The following MCPH1 variants were observed in gnomAD, a reference collection of about 807,000 sequenced individuals.
MCPH1 encodes microcephalin.
MCPH1 carries 104 observed loss-of-function variants against 84.5 expected under a neutral mutation model. The ratio of observed to expected loss-of-function variants is 1.23; its 90% confidence interval spans 1.05 to 1.45. The LOEUF (loss-of-function observed/expected upper bound fraction) is 1.45, where lower values mean the gene tolerates loss of function less well. Ranked by LOEUF, MCPH1 falls within the 40% of genes most tolerant of loss-of-function variation. The pLI is 0.00. For synonymous variants in MCPH1, 514 were observed against 366.8 expected, an observed-to-expected ratio of 1.40 and a Z score of -4.58; for missense variants, 1,498 against 1,005.7, an observed-to-expected ratio of 1.49 and a Z score of -6.62.
chr8:6,566,627 C>T (rs189451127), intron 12 of MCPH1, among the ~76,000 whole-genome samples: 6 of 152,008 alleles, frequency 3.9e-5, no homozygotes, highest in Admixed American at 1.3e-4. Context: ...CATGTGTGAT[C>T]GGCAAGGCCA....
At chr8:6,436,694 G>A (rs1802686981) in intron 5 of MCPH1, among the ~76,000 whole-genome samples, 1 of 151,484 alleles carries the variant, frequency 6.6e-6, no homozygotes, top group Admixed American at 6.6e-5. Flanking sequence ...TATGGGCTGG[G>A]CACAGTGGCT....
Position 6,414,860 on chromosome 8 carries a change from C to G in MCPH1, c.210C>G (p.Leu70=), listed in dbSNP as rs746675717. 6.2e-7 allele frequency: 1 copy of G among 1,613,382 alleles called. No individual in the cohort carries two copies. Among genetic ancestry groups the G allele is most frequent in the East Asian group, 2.2e-5 (1 of 44,882 alleles). The change falls in exon 3 of 14, where the codon CTC becomes CTG. Residue 70 remains leucine, a synonymous_variant. Coordinates refer to ENST00000344683, the MANE Select transcript of MCPH1 (RefSeq NM_024596.5). ...WDKAQKRGVK[L]VSVLWVEKCR... ...AAGCTCAGAAGAGAGGCGTAAAGCTCGTTTCGGTGCTCTGGGTGGAAAAGT... is the reference window on the plus strand; with the variant it reads ...AAGCTCAGAAGAGAGGCGTAAAGCTGGTTTCGGTGCTCTGGGTGGAAAAGT...
At chr8:6,589,761 A>C (rs1828292400) in intron 12 of MCPH1, among the ~76,000 whole-genome samples, 1 of 152,246 alleles carries the variant, frequency 6.6e-6, no homozygotes, top group African/African-American at 2.4e-5. Flanking sequence ...CATTATGTGT[A>C]AATTGCCAAA....
intron 12 of MCPH1, among the ~76,000 whole-genome samples, chr8:6,598,595 A>T (rs548776304): frequency 6.6e-6 from 1 of 152,346 alleles, no homozygotes; most frequent in African/African-American, 2.4e-5. Flanking sequence ...CGAACACCCA[A>T]GGCTTTCCAA....
intron 12 of MCPH1, among the ~76,000 whole-genome samples, chr8:6,511,068 C>T (rs1384264138): frequency 6.6e-6 from 1 of 152,202 alleles, no homozygotes; most frequent in South Asian, 2.1e-4. Flanking sequence ...TTTTAACTCT[C>T]TCTTGTCTCC....
chr8:6,507,690 C>G (rs959137546), intron 12 of MCPH1: 2 of 150,962 alleles, frequency 1.3e-5, no homozygotes, highest in African/African-American at 4.9e-5. Flanking sequence ...CATTCTCCTG[C>G]CTGAGCCTCC....
chr8:6,566,422 A>G (rs1299072088), intron 12 of MCPH1, among the ~76,000 whole-genome samples: 1 of 151,990 alleles, frequency 6.6e-6, no homozygotes, highest in Non-Finnish European at 1.5e-5. Flanking sequence ...CAGTCCACAC[A>G]GTGCAATAAC....
intron 13 of MCPH1, among the ~76,000 whole-genome samples, chr8:6,630,805 AAC>A (rs1797105760): frequency 2.0e-5 from 3 of 147,360 alleles, no homozygotes; most frequent in East Asian, 3.9e-4. Context: ...AAAAAAAAAA[AAC>A]AATTATATAT....
intron 10 of MCPH1, among the ~76,000 whole-genome samples, chr8:6,478,443 A>T (rs1808758997): frequency 6.6e-6 from 1 of 152,214 alleles, no homozygotes; most frequent in African/African-American, 2.4e-5. Flanking sequence ...ATATTTTTTA[A>T]AGTCTTTGTA....
intron 13 of MCPH1, among the ~76,000 whole-genome samples, chr8:6,628,901 G>A (rs1285876609): frequency 6.6e-6 from 1 of 152,194 alleles, no homozygotes; most frequent in Non-Finnish European, 1.5e-5. Flanking sequence ...ATGACTGTAG[G>A]AGAGATTTTC....
rs1442963929 is a variant in MCPH1, at chr8:6,588,269, G to T, written c.2215-33185G>T. Among the ~76,000 whole-genome samples, 6 of 152,230 alleles carry T rather than the reference G, an allele frequency of 3.9e-5. No homozygotes were observed. The South Asian group carries it at 6.2e-4, about 16-fold the overall frequency. On this transcript the variant is annotated intron_variant, in intron 12 of 13. Transcript: ENST00000344683. ...TGGGGCATTCTTTTTCCAGAGCCAG[G>T]CCAGCCCAGCAGTGATCCCTTGATA...
intron 9 of MCPH1, among the ~76,000 whole-genome samples, chr8:6,463,756 G>A (rs567369893): frequency 1.3e-4 from 20 of 152,310 alleles, no homozygotes; most frequent in African/African-American, 3.8e-4. Flanking sequence ...TTTTCCTGGC[G>A]TTTCCTGTCC....
chr8:6,500,059 C>G, intron 12 of MCPH1, 130 bp downstream of exon 12: 2 of 755,650 alleles, frequency 2.6e-6, no homozygotes, highest in East Asian at 2.6e-5. Context: ...AAGACATTCA[C>G]AGAACTTAAC....
intron 2 of MCPH1, among the ~76,000 whole-genome samples, chr8:6,410,671 G>C (rs1033343389): frequency 1.4e-4 from 21 of 152,096 alleles, no homozygotes; most frequent in Non-Finnish European, 2.9e-5. Context: ...TCATTCACGG[G>C]GAAGCCCAGC....
At chr8:6,511,728 G>A (rs1450002307) in intron 12 of MCPH1, among the ~76,000 whole-genome samples, 2 of 152,124 alleles carry the variant, frequency 1.3e-5, no homozygotes, top group African/African-American at 4.8e-5. Context: ...TTAAACCAAT[G>A]TGTGTGTTTT....
chr8:6,627,165 A>G lies in MCPH1; in HGVS notation c.2452+5474A>G, dbSNP rs569145782. ...GACTGACTGACCAGAAAAATGCACG[A>G]CGCTCCCATGGGGCCACTCGGGAGG... On this transcript the variant is annotated intron_variant, in intron 13 of 13. Coordinates refer to ENST00000344683, the MANE Select transcript of MCPH1 (RefSeq NM_024596.5). 16 of 985,358 alleles carry G rather than the reference A, an allele frequency of 1.6e-5. No individual in the cohort carries two copies. In the Admixed American group the frequency reaches 3.1e-4, roughly 19 times the overall value. 61.0% of individuals were successfully genotyped at this position (985,358 alleles called of 1,614,324 possible). A position where few individuals can be genotyped will look rare whatever the true frequency, so the allele number is the denominator to read the frequency against.
At chr8:6,559,715 A>G (rs1258813492) in intron 12 of MCPH1, among the ~76,000 whole-genome samples, 1 of 152,164 alleles carries the variant, frequency 6.6e-6, no homozygotes, top group Non-Finnish European at 1.5e-5. Context: ...AATACAATCC[A>G]TTTTGCTAAA....
chr8:6,628,598 A>G (rs1796937030), intron 13 of MCPH1, among the ~76,000 whole-genome samples: 1 of 152,148 alleles, frequency 6.6e-6, no homozygotes, highest in Non-Finnish European at 1.5e-5. Context: ...GTGTATTAGA[A>G]ATGTGGTGGT....
chr8:6,454,957 C>T (rs1805515820), intron 8 of MCPH1, among the ~76,000 whole-genome samples, 186 bp from the exon 9 acceptor site: 1 of 152,104 alleles, frequency 6.6e-6, no homozygotes, highest in African/African-American at 2.4e-5. Context: ...AAGTGAATTG[C>T]TTGGGATATT....
Sources: gnomAD v4.1 joint callset for allele counts (sites outside exome capture counted in the v4.1 genomes callset) on GRCh38, gnomAD v4.1.1 for gene constraint, MANE v1.5 for transcripts, NCBI Gene and HGNC (gene_info 2026-07-23, HGNC 2026-07-21) for gene names.